NSD1: variants seen among roughly 807,000 people sequenced by gnomAD.
NSD1 encodes the protein nuclear receptor binding SET domain protein 1.
Under a neutral mutation model 242.7 loss-of-function variants are expected in NSD1, and 26 were observed. The observed-to-expected ratio is 0.11, with a 90% confidence interval of 0.08 to 0.15. The LOEUF (loss-of-function observed/expected upper bound fraction) is 0.15. NSD1 is among the 10% of genes least tolerant of loss of function. The probability of loss-of-function intolerance (pLI) is 1.00; values close to 1 mark genes in which losing one functional copy is unlikely to be tolerated. For missense variants in NSD1, 2,495 were observed against 3,272.8 expected (o/e 0.76, Z 5.80); for synonymous variants, 1,106 against 1,178.1 (o/e 0.94, Z 1.25).
chr5:177,136,219 T>G (rs1310055593), intron 2 of NSD1, 189 bp downstream of exon 2: 2 of 572,222 alleles, frequency 3.5e-6, no homozygotes, highest in Non-Finnish European at 6.2e-6. Flanking sequence ...TGAATTTGGT[T>G]GTTTTAAGCT....
At chr5:177,242,823 C>T (rs961282582) in intron 8 of NSD1, among the ~76,000 whole-genome samples, 2 of 152,138 alleles carry the variant, frequency 1.3e-5, no homozygotes, top group African/African-American at 4.8e-5. Flanking sequence ...ACCACCGTGC[C>T]CAGCCAGAAT....
intron 2 of NSD1, among the ~76,000 whole-genome samples, chr5:177,152,768 CTT>C (rs1288978675): frequency 7.0e-6 from 1 of 142,428 alleles, no homozygotes; most frequent in Non-Finnish European, 1.5e-5. Context: ...CTGGCCATTT[CTT>C]TTTTTTTTTT....
chr5:177,172,789 T>C (rs1200859335), intron 2 of NSD1, among the ~76,000 whole-genome samples: 3 of 151,726 alleles, frequency 2.0e-5, no homozygotes, highest in Non-Finnish European at 4.4e-5. Flanking sequence ...TGAGATCCTG[T>C]CTCTAAAAAT....
intron 2 of NSD1, among the ~76,000 whole-genome samples, chr5:177,145,084 CA>C (rs530282937): frequency 0.2 from 15,731 of 77,696 alleles, 1,085 homozygotes; most frequent in African/African-American, 0.35. Flanking sequence ...GACTTTGTCT[CA>C]AAAAAAAAAA....
intron 5 of NSD1, among the ~76,000 whole-genome samples, chr5:177,222,642 T>C (rs898531648): frequency 6.6e-6 from 1 of 152,234 alleles, no homozygotes; most frequent in East Asian, 1.9e-4. Context: ...GTATTTTATT[T>C]GGACAATTAC....
At chr5:177,289,849 G>A (rs1355889980) in intron 21 of NSD1, among the ~76,000 whole-genome samples, 14 of 148,530 alleles carry the variant, frequency 9.4e-5, no homozygotes, top group Middle Eastern at 3.5e-3. Context: ...TTTTTTTGAG[G>A]TGGAGTCTCG....
chr5:177,248,203 C>A lies in NSD1; in HGVS notation c.4520C>A (p.Thr1507Lys). ...AAGGGAGAACTAATGCCTCACAGGA[C>A]GGCCACAAGCCCCAAGGAGACTGTT... ...GSEGELMPHR[T>K]ATSPKETVEE... is the part of the protein sequence containing the mutation. The change falls in exon 11 of 23, where the codon ACG (threonine) becomes AAG (lysine). Residue 1507 changes from threonine (T) to lysine (K), a missense_variant. Physicochemically the swap from Thr to Lys is moderately conservative, Grantham distance 78 (BLOSUM62 -1). Around this residue, in one of 19 missense-constraint regions of NSD1, gnomAD observed 97 missense variants for 97.7 expected, o/e 0.99. Coordinates refer to ENST00000439151, the MANE Select transcript of NSD1 (RefSeq NM_022455.5). The A allele has an allele frequency of 1.2e-6, 2 of 1,614,128 alleles. No individual in the cohort carries two copies. Among genetic ancestry groups the A allele is most frequent in the Admixed American group, 1.7e-5 (1 of 59,986 alleles).
chr5:177,243,142 A>C (rs755214884), intron 8 of NSD1, among the ~76,000 whole-genome samples: 8 of 152,152 alleles, frequency 5.3e-5, no homozygotes, highest in East Asian at 1.9e-4. Context: ...TGTCAAATCT[A>C]ATAGCTGTGA....
At chr5:177,285,404 A>T (rs1218855227) in intron 20 of NSD1, among the ~76,000 whole-genome samples, 1 of 151,802 alleles carries the variant, frequency 6.6e-6, no homozygotes, top group Non-Finnish European at 1.5e-5. Context: ...TCTACTGAAA[A>T]TACAAAAAAA....
At chr5:177,219,590 T>C (rs1279651464) in intron 5 of NSD1, among the ~76,000 whole-genome samples, 2 of 152,218 alleles carry the variant, frequency 1.3e-5, no homozygotes, top group African/African-American at 2.4e-5. Context: ...TTTTCAGTTT[T>C]TGTACTGATA....
intron 2 of NSD1, among the ~76,000 whole-genome samples, chr5:177,156,958 G>A (rs1409558775): frequency 6.6e-6 from 1 of 151,990 alleles, no homozygotes; most frequent in East Asian, 1.9e-4. Context: ...AGGACAGAGC[G>A]AGACTCTGTC....
intron 5 of NSD1, among the ~76,000 whole-genome samples, chr5:177,226,966 A>G (rs571767596): frequency 1.2e-4 from 19 of 152,336 alleles, no homozygotes; most frequent in African/African-American, 4.6e-4. Context: ...AATTTATAAC[A>G]ACTGTAGGGC....
At chr5:177,214,891 CAG>C (rs1418330148) in intron 5 of NSD1, among the ~76,000 whole-genome samples, 1 of 152,032 alleles carries the variant, frequency 6.6e-6, no homozygotes, top group Non-Finnish European at 1.5e-5. Flanking sequence ...TTAGTAGAGA[CAG>C]GGTGTCACCA....
intron 2 of NSD1, among the ~76,000 whole-genome samples, chr5:177,165,883 G>A (rs1315017081): frequency 6.6e-6 from 1 of 151,036 alleles, no homozygotes; most frequent in Non-Finnish European, 1.5e-5. Context: ...GGGATTATGC[G>A]CATGATCGCT....
At chr5:177,245,639 T>G (rs1487968226) in intron 9 of NSD1, among the ~76,000 whole-genome samples, 1 of 151,860 alleles carries the variant, frequency 6.6e-6, no homozygotes, top group Non-Finnish European at 1.5e-5. Flanking sequence ...TTTCTTTTTT[T>G]TTTTTTTTTG....
chr5:177,299,001 T>C lies in NSD1; in HGVS notation c.*3542T>C, dbSNP rs4976682. On this transcript the variant is annotated 3_prime_UTR_variant, in exon 23 of 23. Transcript: ENST00000439151. ...GCCTCCAGCCCCTTTCTTGCTGAGT[T>C]TCATTTGAGCAGTTCCATGTGTAGA... 197,011 of 233,056 alleles carry C rather than the reference T, an allele frequency of 0.85. 84,595 individuals are homozygous for C. Among genetic ancestry groups the C allele is most frequent in the African/African-American group, 0.9 (40,823 of 45,408 alleles). 14.4% of individuals were successfully genotyped at this position (233,056 alleles called of 1,614,324 possible).
intron 2 of NSD1, among the ~76,000 whole-genome samples, chr5:177,141,812 C>T (rs1170046430): frequency 6.6e-6 from 1 of 152,108 alleles, no homozygotes; most frequent in Admixed American, 6.6e-5. Flanking sequence ...GTGTTATATT[C>T]ACCTAAAATG....
intron 6 of NSD1, among the ~76,000 whole-genome samples, chr5:177,237,697 T>G (rs1483632234): frequency 6.6e-6 from 1 of 151,904 alleles, no homozygotes; most frequent in Non-Finnish European, 1.5e-5. Context: ...CACACCTGGC[T>G]AATTTTTTGC....
chr5:177,243,384 C>T (rs964886839), intron 8 of NSD1, among the ~76,000 whole-genome samples: 3 of 151,938 alleles, frequency 2.0e-5, no homozygotes, highest in African/African-American at 7.3e-5. Flanking sequence ...AACGGGGTTT[C>T]ACCATATTGG....
Sources: allele counts gnomAD v4.1 joint callset (sites outside exome capture counted in the v4.1 genomes callset), GRCh38; gene constraint gnomAD v4.1.1; regional missense constraint gnomAD v4.1.1; transcripts MANE v1.5; gene names NCBI Gene and HGNC (gene_info 2026-07-23, HGNC 2026-07-21).